Variants in OBSL1 observed in about 807,000 individuals in gnomAD.
OBSL1 encodes the protein obscurin like cytoskeletal adaptor 1, also known as obscurin-like protein 1.
A neutral mutation model predicts 172.0 loss-of-function variants in OBSL1; 160 were observed. That is an observed-to-expected ratio of 0.93 (90% CI 0.82 to 1.06). OBSL1 has a LOEUF of 1.06. Ranked by LOEUF, OBSL1 falls within the 50% of genes least tolerant of loss-of-function variation. OBSL1 has a pLI of 0.00. For synonymous variants in OBSL1, 1,200 were observed against 1,196.3 expected, an observed-to-expected ratio of 1.00 and a Z score of -0.06; for missense variants, 2,681 against 2,715.4, an observed-to-expected ratio of 0.99 and a Z score of 0.28.
In OBSL1 at chr2:219,567,484, C is replaced by T. The variant is rs754660433; in HGVS notation, c.1626G>A (p.Glu542=). 9.3e-6 allele frequency: 15 copies of T among 1,613,442 alleles called. No individual in the cohort carries two copies. The African/African-American group carries it at 1.9e-4, about 20-fold the overall frequency. ...NTVLLTWKPP[E]PAPETPFIYR... Reference sequence around the variant, plus strand: ...AGATGAATGGGGTCTCGGGAGCTGGCTCGGGAGGCTTCCAGGTCAACAGGA... The same window carrying T: ...AGATGAATGGGGTCTCGGGAGCTGGTTCGGGAGGCTTCCAGGTCAACAGGA... The change falls in exon 4 of 21, where the codon GAG becomes GAA. Residue 542 remains glutamate, a synonymous_variant. Coordinates refer to ENST00000404537, the MANE Select transcript of OBSL1 (RefSeq NM_015311.3).
intron 8 of OBSL1, 76 bp downstream of exon 8, chr2:219,562,326 G>C: frequency 6.5e-7 from 1 of 1,550,316 alleles, no homozygotes; most frequent in South Asian, 1.2e-5. Flanking sequence ...CGGGGTGCTA[G>C]CTGGGGCTAT....
Position 219,557,574 on chromosome 2 carries a change from C to T in OBSL1, c.3835G>A (p.Val1279Ile). The change falls in exon 12 of 21, where the codon GTT (valine) becomes ATT (isoleucine). Residue 1279 changes from valine (V) to isoleucine (I), a missense_variant. Coordinates refer to ENST00000404537, the MANE Select transcript of OBSL1 (RefSeq NM_015311.3). The part of the protein sequence containing the change: ...VVAPEAAQTR[V>I]RSTPGGDLEL... ...AGGTCCCCGCCTGGGGTGCTCCGAACCCTCGTCTGGGCTGCCTCGGGAGCT... is the reference window on the plus strand; with the variant it reads ...AGGTCCCCGCCTGGGGTGCTCCGAATCCTCGTCTGGGCTGCCTCGGGAGCT... 5 of 1,549,872 alleles carry T rather than the reference C, an allele frequency of 3.2e-6. No homozygotes were observed. Among genetic ancestry groups the T allele is most frequent in the Non-Finnish European group, 4.4e-6 (5 of 1,146,426 alleles).
At position 219,567,392 on chromosome 2, in the gene OBSL1, C is replaced by G. The variant is rs1172259275; in HGVS notation, c.1718G>C (p.Gly573Ala). ...ACAGTCGCCCGGCACCTCCACGGCT[C>G]CGGCTTTCTCGATGCTGAAGCACTG... ...WIQCFSIEKA[G>A]AVEVPGDCVP... Residue 573 changes from glycine to alanine, a missense_variant, in exon 4 of 21, where the codon GGA becomes GCA. Gly to Ala is a moderately conservative substitution (Grantham distance 60). Coordinates refer to ENST00000404537, the MANE Select transcript of OBSL1 (RefSeq NM_015311.3). 1.9e-6 allele frequency: 3 copies of G among 1,612,950 alleles called. No individual in the cohort carries two copies. The highest frequency in any genetic ancestry group is 1.7e-6 in the Non-Finnish European group (2 of 1,179,540).
At chr2:219,565,189 C>T (rs752123080) in intron 6 of OBSL1, 53 bp downstream of exon 6, 42 of 1,531,338 alleles carry the variant, frequency 2.7e-5, no homozygotes, top group African/African-American at 2.0e-4. Flanking sequence ...ATGGCTTATG[C>T]GGCCCCACAA....
At chr2:219,553,215 C>T (rs1695762145) in intron 16 of OBSL1, among the ~76,000 whole-genome samples, 191 bp from the exon 17 acceptor site, 1 of 152,200 alleles carries the variant, frequency 6.6e-6, no homozygotes, top group Admixed American at 6.5e-5. Flanking sequence ...TTTGAAAAAG[C>T]GTCACCCTTT....
chr2:219,547,357 C>A, downstream of OBSL1: 1 of 592,328 alleles, frequency 1.7e-6, no homozygotes. Flanking sequence ...ATCACTGATG[C>A]CGTCATGACT....
rs147763320 is a variant in OBSL1, at chr2:219,570,241, G to A, written c.992C>T (p.Ala331Val). 3 of 1,576,836 alleles carry A rather than the reference G, an allele frequency of 1.9e-6. No homozygotes were observed. The East Asian group carries it at 6.8e-5, about 35-fold the overall frequency. Residue 331 changes from alanine (A) to valine (V), a missense_variant, in exon 1 of 21, where the codon GCC becomes GTC. This residue lies in a region of OBSL1 where 706 missense variants were observed against 695.8 expected (regional missense o/e 1.01). Coordinates refer to ENST00000404537, the MANE Select transcript of OBSL1 (RefSeq NM_015311.3). ...ARNSAGQTLS[A>V]VQLHVKEPRL... ...CGTACCTTTCACGTGCAGCTGCACG[G>A]CACTGAGCGTCTGGCCCGCCGAGTT...
downstream of OBSL1, chr2:219,547,848 C>A: frequency 6.3e-7 from 1 of 1,587,078 alleles, no homozygotes; most frequent in Non-Finnish European, 8.5e-7. Context: ...TGGCCCCGCC[C>A]ACTCACCACC....
Position 219,553,618 on chromosome 2 carries a change from C to G in OBSL1, c.4945G>C (p.Glu1649Gln), listed in dbSNP as rs779628741. ...GCCAAAGCTTGGGAAAGCTCGCACT[C>G]GAACGTAGCTGTGTCGCCCTCGGTC... is the stretch of plus-strand genomic sequence containing the variant. The part of the protein sequence containing the change: ...EVTEGDTATF[E>Q]CELSQALADV... Residue 1649 changes from glutamate (E) to glutamine (Q), a missense_variant, in exon 16 of 21, where the codon GAG becomes CAG. By Grantham distance (29) the Glu-to-Gln change is conservative. Around this residue, in one of 5 missense-constraint regions of OBSL1, gnomAD observed 1,765 missense variants for 1,748.3 expected, o/e 1.01. Coordinates refer to ENST00000404537, the MANE Select transcript of OBSL1 (RefSeq NM_015311.3). 2.5e-6 allele frequency: 4 copies of G among 1,613,918 alleles called. No individual in the cohort carries two copies. The highest frequency in any genetic ancestry group is 4.5e-5 in the East Asian group (2 of 44,862).
chr2:219,556,150 G>A lies in OBSL1; in HGVS notation c.4479C>T (p.Asp1493=). The change falls in exon 14 of 21, where the codon GAC becomes GAT. Residue 1493 remains aspartate (D), a synonymous_variant. Transcript: ENST00000404537. ...WVRGGQPLPH[D]SRLSMAQDGH... is the part of the protein sequence containing the mutation. ...CATCCTGGGCCATGGACAGGCGAGA[G>A]TCGTGGGGCAGGGGCTGCCCACCTC... is the stretch of plus-strand genomic sequence containing the variant. The A allele has an allele frequency of 1.9e-6, 3 of 1,613,860 alleles. No individual in the cohort carries two copies.
intron 16 of OBSL1, among the ~76,000 whole-genome samples, 170 bp downstream of exon 16, chr2:219,553,404 G>A (rs1695774754): frequency 6.6e-6 from 1 of 152,220 alleles, no homozygotes; most frequent in Non-Finnish European, 1.5e-5. Flanking sequence ...AGGTATTACA[G>A]TGACAAGACC....
chr2:219,564,589 A>G (rs926805188), intron 6 of OBSL1, among the ~76,000 whole-genome samples: 14 of 152,146 alleles, frequency 9.2e-5, no homozygotes, highest in African/African-American at 3.4e-4. Context: ...TTGTTCCCCC[A>G]CCCAACCCAG....
At chr2:219,552,243 G>A in intron 18 of OBSL1, 27 bp from the exon 19 acceptor site, 1 of 1,564,602 alleles carries the variant, frequency 6.4e-7, no homozygotes, top group Non-Finnish European at 8.7e-7. Context: ...CGCTAGCGAG[G>A]CCGGAGCCAC....
At chr2:219,552,795 G>T in intron 17 of OBSL1, 73 bp downstream of exon 17, 1 of 1,521,756 alleles carries the variant, frequency 6.6e-7, no homozygotes, top group Admixed American at 2.0e-5. Context: ...GCGGTCATCA[G>T]GGTCCGGGGA....
chr2:219,556,565 G>T lies in OBSL1; in HGVS notation c.4225C>A (p.Gln1409Lys). 1 of 1,613,910 alleles carries T rather than the reference G, an allele frequency of 6.2e-7. No individual in the cohort carries two copies. The change falls in exon 13 of 21, where the codon CAG (glutamine) becomes AAG (lysine). Residue 1409 changes from glutamine to lysine, a missense_variant. Gln to Lys is a moderately conservative substitution (Grantham distance 53, BLOSUM62 1). Coordinates refer to ENST00000404537, the MANE Select transcript of OBSL1 (RefSeq NM_015311.3). ...VTPGPQVEMA[Q>K]NGSSRILTLR... ...GTTAAGATGCGGCTTGAACCATTCT[G>T]GGCCATCTCCACCTGGGGCCCTGGA... is the stretch of plus-strand genomic sequence containing the variant.
chr2:219,548,176 A>G, downstream of OBSL1: 3 of 1,184,216 alleles, frequency 2.5e-6, no homozygotes, highest in Non-Finnish European at 3.4e-6. Context: ...CAGCAGCAGA[A>G]GGCCTCGATG....
rs1696274437 is a variant in OBSL1 at position 219,559,231 on chromosome 2, C to T, written c.3220G>A (p.Val1074Ile). 2.5e-6 allele frequency: 4 copies of T among 1,602,548 alleles called. No homozygotes were observed. The highest frequency in any genetic ancestry group is 3.4e-6 in the Non-Finnish European group (4 of 1,172,010). The change falls in exon 9 of 21, where the codon GTC becomes ATC. Residue 1074 changes from valine to isoleucine, a missense_variant. Transcript: ENST00000404537. ...GDDSAFFTVT[V>I]TAPPERIVHP... The stretch of plus-strand genomic sequence containing the variant: ...TGCTGCAGAGACTGCCCACCTGTGA[C>T]AGTGACAGTGAAGAAGGCCGAGTCA...
rs1052286999 is a variant in OBSL1, at chr2:219,556,206, C to T, written c.4423G>A (p.Val1475Met). 1.9e-6 allele frequency: 3 copies of T among 1,610,904 alleles called. No individual in the cohort carries two copies. The highest frequency in any genetic ancestry group is 2.5e-6 in the Non-Finnish European group (3 of 1,178,406). The change falls in exon 14 of 21, where the codon GTG (valine) becomes ATG (methionine). Residue 1475 changes from valine to methionine, a missense_variant. This residue lies in a region of OBSL1 where 1,765 missense variants were observed against 1,748.3 expected (regional missense o/e 1.01). Coordinates refer to ENST00000404537, the MANE Select transcript of OBSL1 (RefSeq NM_015311.3). Reference protein sequence around the residue: ...DVCLEVETGRVGAAGAVRWVR... With the variant: ...DVCLEVETGRMGAAGAVRWVR... ...CAGCGCACGGCCCCCGCTGCACCCA[C>T]TCGGCCTGTCTCCACTTCGAGACAC...
chr2:219,555,699 C>G (rs1574529056), intron 14 of OBSL1: 1 of 1,155,474 alleles, frequency 8.7e-7, no homozygotes, highest in East Asian at 4.4e-5. Flanking sequence ...GCCATCCCTG[C>G]TACTTAAGTG....
Sources: gnomAD v4.1 joint callset for allele counts (sites outside exome capture counted in the v4.1 genomes callset) on GRCh38, gnomAD v4.1.1 for gene constraint, gnomAD v4.1.1 regional missense constraint, MANE v1.5 for transcripts, NCBI Gene and HGNC (gene_info 2026-07-23, HGNC 2026-07-21) for gene names.